Variants in RBMS3 observed in about 807,000 individuals in gnomAD.
RBMS3 encodes RNA binding motif single stranded interacting protein 3.
RBMS3 carries 27 observed loss-of-function variants against 66.8 expected under a neutral mutation model. That is an observed-to-expected ratio of 0.40 (90% confidence interval 0.30 to 0.56). The LOEUF (loss-of-function observed/expected upper bound fraction) is 0.56, where lower values mean the gene tolerates loss of function less well. Among genes scored for constraint, RBMS3 ranks in the 20% least tolerant of loss-of-function variants. The probability of loss-of-function intolerance (pLI) is 0.40; values close to 1 mark genes in which losing one functional copy is unlikely to be tolerated. For synonymous variants in RBMS3, 188 were observed against 183.0 expected, an observed-to-expected ratio of 1.03 and a Z score of -0.22; for missense variants, 513 against 549.5, an observed-to-expected ratio of 0.93 and a Z score of 0.66.
intron 6 of RBMS3, among the ~76,000 whole-genome samples, chr3:29,863,752 G>T (rs1390492973): frequency 6.6e-6 from 1 of 152,014 alleles, no homozygotes; most frequent in East Asian, 1.9e-4. Flanking sequence ...TTACAATAAG[G>T]GAAAATGTTA....
chr3:29,400,293 G>A (rs573275068), intron 1 of RBMS3, among the ~76,000 whole-genome samples: 110 of 152,116 alleles, frequency 7.2e-4, no homozygotes, highest in South Asian at 2.5e-3. Flanking sequence ...CCTTGAGGAC[G>A]TTATGCTAAG....
Position 29,547,960 on chromosome 3 carries a change from AATT to A in RBMS3, c.308-39148_308-39146del, listed in dbSNP as rs574432416. Among the ~76,000 whole-genome samples, 658 of 151,922 alleles carry A rather than the reference AATT, an allele frequency of 4.3e-3. 2 individuals carry two copies. The highest frequency in any genetic ancestry group is 7.1e-3 in the Non-Finnish European group (484 of 67,950). ...CAGGCATGCACCACCACCCCTGGCT[AATT>A]ATTATATTATTAGTAGAGACGGGGT... is the stretch of plus-strand genomic sequence containing the variant. On this transcript the variant is annotated intron_variant, in intron 3 of 14. Transcript: ENST00000383767.
At chr3:29,979,182 CAAT>C (rs10610579) in intron 12 of RBMS3, among the ~76,000 whole-genome samples, 3,934 of 152,104 alleles carry the variant, frequency 0.026, 159 homozygotes, top group African/African-American at 0.089. Context: ...ACAACAACAA[CAAT>C]GACAAAACTG....
At chr3:29,948,633 T>C (rs1033805971) in intron 12 of RBMS3, among the ~76,000 whole-genome samples, 8 of 151,830 alleles carry the variant, frequency 5.3e-5, no homozygotes, top group African/African-American at 9.7e-5. Context: ...ATTGTTTTTA[T>C]TGTAAAAGAC....
At chr3:29,785,661 C>A (rs189645094) in intron 6 of RBMS3, among the ~76,000 whole-genome samples, 2 of 151,844 alleles carry the variant, frequency 1.3e-5, no homozygotes, top group African/African-American at 4.8e-5. Context: ...ATGATTAAAC[C>A]CTCAGCAAAA....
At chr3:29,338,571 A>ATC (rs1286844728) in intron 1 of RBMS3, among the ~76,000 whole-genome samples, 1 of 152,094 alleles carries the variant, frequency 6.6e-6, no homozygotes, top group Non-Finnish European at 1.5e-5. Flanking sequence ...GAGTCCAGCA[A>ATC]TCTGTATGTG....
chr3:29,359,912 T>C lies in RBMS3; in HGVS notation c.76-74831T>C, dbSNP rs566256706. 8.5e-5 allele frequency among the ~76,000 whole-genome samples: 13 copies of C among 152,324 alleles called. No homozygotes were observed. In the South Asian group the frequency reaches 2.7e-3, roughly 32 times the overall value. On this transcript the variant is annotated intron_variant, in intron 1 of 14. Coordinates refer to ENST00000383767, the MANE Select transcript of RBMS3 (RefSeq NM_001003793.3). ...GTGATATCCCCTCTATCATTTTTTCTTGCATCTATTTGATTCTTCTCTCTT... is the reference window on the plus strand; with the variant it reads ...GTGATATCCCCTCTATCATTTTTTCCTGCATCTATTTGATTCTTCTCTCTT...
chr3:29,381,446 T>G (rs1445177037), intron 1 of RBMS3, among the ~76,000 whole-genome samples: 2 of 151,924 alleles, frequency 1.3e-5, no homozygotes, highest in African/African-American at 4.8e-5. Flanking sequence ...AGAAATGGGG[T>G]TGGTTTTGAG....
At chr3:29,775,227 G>A (rs1460905269) in intron 6 of RBMS3, among the ~76,000 whole-genome samples, 1 of 149,650 alleles carries the variant, frequency 6.7e-6, no homozygotes, top group Non-Finnish European at 1.5e-5. Context: ...AATTAAATGA[G>A]TTCTACCAGT....
chr3:29,596,197 A>C (rs190456108), intron 4 of RBMS3, among the ~76,000 whole-genome samples: 2 of 152,282 alleles, frequency 1.3e-5, no homozygotes, highest in East Asian at 1.9e-4. Context: ...TGCTTTCTGC[A>C]TTTTATTTTT....
At chr3:29,524,209 G>A (rs1053178507) in intron 3 of RBMS3, among the ~76,000 whole-genome samples, 1 of 150,436 alleles carries the variant, frequency 6.6e-6, no homozygotes, top group East Asian at 1.9e-4. Context: ...TCGCAGAAAG[G>A]GGATTTGAAC....
At chr3:29,517,328 T>C (rs2044680362) in intron 3 of RBMS3, among the ~76,000 whole-genome samples, 1 of 147,192 alleles carries the variant, frequency 6.8e-6, no homozygotes, top group Non-Finnish European at 1.5e-5. Flanking sequence ...TATTTTTTTT[T>C]TGTTTTTTTT....
intron 3 of RBMS3, among the ~76,000 whole-genome samples, chr3:29,509,853 G>A (rs1269457926): frequency 3.3e-5 from 5 of 152,176 alleles, no homozygotes; most frequent in African/African-American, 7.2e-5. Flanking sequence ...GGACTGTATC[G>A]TATTCATTTC....
At chr3:29,887,864 C>T (rs1168089952) in intron 8 of RBMS3, among the ~76,000 whole-genome samples, 1 of 151,740 alleles carries the variant, frequency 6.6e-6, no homozygotes, top group African/African-American at 2.4e-5. Context: ...ACATAATTTC[C>T]CAAATACTCA....
intron 1 of RBMS3, among the ~76,000 whole-genome samples, chr3:29,297,887 G>C (rs1005110836): frequency 6.6e-5 from 10 of 151,952 alleles, no homozygotes; most frequent in Middle Eastern, 6.8e-3. Context: ...CTGGCTTTGG[G>C]TGTGGTATTG....
At chr3:29,452,158 G>A (rs1041510105) in intron 2 of RBMS3, among the ~76,000 whole-genome samples, 9 of 152,182 alleles carry the variant, frequency 5.9e-5, no homozygotes, top group African/African-American at 2.2e-4. Context: ...GTCTCTGGCT[G>A]TGATATGTAC....
intron 4 of RBMS3, among the ~76,000 whole-genome samples, chr3:29,693,511 T>A (rs62234931): frequency 1.3e-5 from 2 of 152,268 alleles, no homozygotes; most frequent in Non-Finnish European, 2.9e-5. Flanking sequence ...AAATTTAGGG[T>A]CCACATTTAT....
At chr3:29,577,353 T>G (rs2047155361) in intron 3 of RBMS3, among the ~76,000 whole-genome samples, 1 of 152,214 alleles carries the variant, frequency 6.6e-6, no homozygotes, top group African/African-American at 2.4e-5. Flanking sequence ...TGCTGTGAGC[T>G]GCCTTACTTA....
chr3:29,364,876 C>T (rs750638412), intron 1 of RBMS3, among the ~76,000 whole-genome samples: 7 of 152,112 alleles, frequency 4.6e-5, no homozygotes, highest in Non-Finnish European at 1.0e-4. Flanking sequence ...GCTTCCTCCA[C>T]AGTTTTGCCA....
Sources: allele counts gnomAD v4.1 joint callset (sites outside exome capture counted in the v4.1 genomes callset), GRCh38; gene constraint gnomAD v4.1.1; transcripts MANE v1.5; gene names NCBI Gene and HGNC (gene_info 2026-07-23, HGNC 2026-07-21).